The following TBXAS1 variants were observed in gnomAD, a reference collection of about 807,000 sequenced individuals.
TBXAS1 encodes thromboxane-A synthase.
In TBXAS1, 48 loss-of-function variants were observed where a neutral mutation model predicts 60.7. That is an observed-to-expected ratio of 0.79 (90% CI 0.63 to 1.01). The LOEUF is 1.01. Among genes scored for constraint, TBXAS1 ranks in the 50% least tolerant of loss-of-function variants. The pLI, the probability that TBXAS1 is intolerant of heterozygous loss-of-function variation, is 0.00. For missense variants in TBXAS1, 685 were observed against 686.3 expected, an observed-to-expected ratio of 1.00 and a Z score of 0.02; for synonymous variants, 287 against 269.7, an observed-to-expected ratio of 1.06 and a Z score of -0.63.
chr7:139,972,624 G>A (rs1164544426), intron 9 of TBXAS1, among the ~76,000 whole-genome samples: 1 of 151,948 alleles, frequency 6.6e-6, no homozygotes, highest in Non-Finnish European at 1.5e-5. Flanking sequence ...GCTCCAAAAT[G>A]GTATCATCTG....
intron 9 of TBXAS1, among the ~76,000 whole-genome samples, chr7:139,980,744 C>T (rs552225610): frequency 6.6e-6 from 1 of 151,910 alleles, no homozygotes; most frequent in South Asian, 2.1e-4. Context: ...CCCCCCCTGT[C>T]ATTTCTGCAG....
intron 4 of TBXAS1, among the ~76,000 whole-genome samples, chr7:139,805,674 C>CT (rs1797833036): frequency 4.3e-5 from 1 of 23,312 alleles, no homozygotes. Context: ...TTCTTTCTTT[C>CT]TTTCTTTCTT....
At chr7:139,905,005 C>CTCTTTCTCTCTTTCTCTCTT (rs1554487120) in intron 3 of TBXAS1, among the ~76,000 whole-genome samples, 2 of 90,482 alleles carry the variant, frequency 2.2e-5, no homozygotes, top group Non-Finnish European at 2.2e-5. Flanking sequence ...CTCTCTTTCT[C>CTCTTTCTCTCTTTCTCTCTT]TCTTTCTTTC....
intron 4 of TBXAS1, among the ~76,000 whole-genome samples, chr7:139,790,153 G>A (rs574165886): frequency 6.6e-5 from 10 of 152,254 alleles, no homozygotes; most frequent in African/African-American, 2.2e-4. Flanking sequence ...CTGTGACTAC[G>A]TGGGAATCAT....
intron 4 of TBXAS1, among the ~76,000 whole-genome samples, chr7:139,793,966 C>T (rs1314328150): frequency 6.6e-6 from 1 of 152,060 alleles, no homozygotes; most frequent in Non-Finnish European, 1.5e-5. Context: ...ATTTCTTCTA[C>T]AAAGAAGTGG....
chr7:139,989,336 G>A (rs1305477995), intron 9 of TBXAS1, among the ~76,000 whole-genome samples: 3 of 152,296 alleles, frequency 2.0e-5, no homozygotes, highest in African/African-American at 7.2e-5. Flanking sequence ...GACAGGCAAG[G>A]GTCATGGCCA....
chr7:139,909,301 G>A (rs943407151), intron 3 of TBXAS1, among the ~76,000 whole-genome samples: 1 of 152,158 alleles, frequency 6.6e-6, no homozygotes, highest in Non-Finnish European at 1.5e-5. Context: ...CATTGCTCTG[G>A]AGGGGGGTTG....
intron 4 of TBXAS1, among the ~76,000 whole-genome samples, chr7:139,929,742 G>A (rs970590313): frequency 2.0e-5 from 3 of 152,056 alleles, no homozygotes; most frequent in Non-Finnish European, 4.4e-5. Flanking sequence ...AGGAAATCCT[G>A]TTGGCTCTAC....
In TBXAS1 at chr7:139,992,394, C is replaced by T. The variant is rs368421124; in HGVS notation, c.1135-14697C>T. On this transcript the variant is annotated intron_variant, in intron 9 of 12. Coordinates refer to ENST00000448866, the MANE Select transcript of TBXAS1 (RefSeq NM_001061.7). ...CATTCTCATGTATCCTAATCCACCC[C>T]GCCAGCTCCCAGCAGAGGGGAGGGC... is the stretch of plus-strand genomic sequence containing the variant. Among the ~76,000 whole-genome samples, 101 of 152,342 alleles carry T rather than the reference C, an allele frequency of 6.6e-4. 1 individual carries two copies. The highest frequency in any genetic ancestry group is 2.1e-3 in the African/African-American group (87 of 41,578).
intron 4 of TBXAS1, among the ~76,000 whole-genome samples, chr7:139,923,750 A>G (rs1569514175): frequency 1.3e-5 from 2 of 151,480 alleles, no homozygotes; most frequent in East Asian, 3.9e-4. Context: ...CACTTTTTCT[A>G]TTTTTTTCCA....
chr7:139,913,214 C>T (rs1188289532), intron 4 of TBXAS1: 1 of 693,634 alleles, frequency 1.4e-6, no homozygotes, highest in South Asian at 1.5e-5. Flanking sequence ...TCTAGATTCT[C>T]TTTCCCAAAC....
chr7:139,910,851 C>T (rs1463561007), intron 3 of TBXAS1, among the ~76,000 whole-genome samples: 4 of 152,130 alleles, frequency 2.6e-5, no homozygotes, highest in Non-Finnish European at 4.4e-5. Flanking sequence ...TGGATAACAC[C>T]GACCTCTGCC....
intron 1 of TBXAS1, among the ~76,000 whole-genome samples, chr7:139,866,666 G>A (rs1301305449): frequency 1.3e-5 from 2 of 151,964 alleles, no homozygotes; most frequent in African/African-American, 4.8e-5. Context: ...GCTGAGGTGA[G>A]AGGATCACTT....
chr7:140,006,602 C>T (rs1277862121), intron 9 of TBXAS1, among the ~76,000 whole-genome samples: 1 of 152,112 alleles, frequency 6.6e-6, no homozygotes, highest in Non-Finnish European at 1.5e-5. Context: ...TACTGTTAGT[C>T]CTTTATAGAT....
chr7:139,966,105 A>G (rs1258665344), intron 9 of TBXAS1, among the ~76,000 whole-genome samples: 1 of 152,218 alleles, frequency 6.6e-6, no homozygotes, highest in East Asian at 1.9e-4. Context: ...CTCCAGCCCT[A>G]CGCACGAGGG....
At chr7:139,793,622 C>G (rs1317143791) in intron 4 of TBXAS1, among the ~76,000 whole-genome samples, 1 of 152,122 alleles carries the variant, frequency 6.6e-6, no homozygotes, top group East Asian at 1.9e-4. Context: ...AGATCACAAT[C>G]TGCTGAAAGA....
chr7:139,813,208 A>G (rs1258138237), intron 4 of TBXAS1, among the ~76,000 whole-genome samples: 2 of 152,234 alleles, frequency 1.3e-5, no homozygotes, highest in African/African-American at 2.4e-5. Flanking sequence ...GTTTGAGGAT[A>G]AGAGTGGAGA....
At chr7:139,816,255 G>A (rs538893227) in intron 4 of TBXAS1, among the ~76,000 whole-genome samples, 23 of 152,288 alleles carry the variant, frequency 1.5e-4, no homozygotes, top group African/African-American at 5.5e-4. Flanking sequence ...AAATTACCCA[G>A]TCTCAAGTAG....
chr7:139,800,253 A>G (rs1376024043), intron 4 of TBXAS1, among the ~76,000 whole-genome samples: 1 of 152,092 alleles, frequency 6.6e-6, no homozygotes, highest in East Asian at 1.9e-4. Context: ...TTCTCATTGC[A>G]CCTAGGGTAA....
Sources: allele counts gnomAD v4.1 joint callset (sites outside exome capture counted in the v4.1 genomes callset), GRCh38; gene constraint gnomAD v4.1.1; transcripts MANE v1.5; gene names NCBI Gene and HGNC (gene_info 2026-07-23, HGNC 2026-07-21).